Variants in TENM3 observed in about 807,000 individuals in gnomAD.
TENM3 encodes teneurin transmembrane protein 3.
TENM3 carries 63 observed loss-of-function variants against 255.1 expected under a neutral mutation model. The observed-to-expected ratio is 0.25, with a 90% confidence interval of 0.20 to 0.30. The LOEUF (loss-of-function observed/expected upper bound fraction) is 0.30, where lower values mean the gene tolerates loss of function less well. TENM3 is among the 10% of genes least tolerant of loss of function. The probability of loss-of-function intolerance (pLI) is 1.00; values close to 1 mark genes in which losing one functional copy is unlikely to be tolerated. For synonymous variants in TENM3, 1,306 were observed against 1,322.3 expected (o/e 0.99, Z 0.27); for missense variants, 2,929 against 3,461.1 (o/e 0.85, Z 3.86).
chr4:182,048,347 AT>A, the TENM3 span, among the ~76,000 whole-genome samples: 3 of 152,074 alleles, frequency 2.0e-5, no homozygotes, highest in Non-Finnish European at 2.9e-5. Context: ...ATCTACTTCC[AT>A]TTTTTTCTTT....
At chr4:182,367,415 C>A (rs1036609958) in intron 3 of TENM3, among the ~76,000 whole-genome samples, 2 of 152,106 alleles carry the variant, frequency 1.3e-5, no homozygotes, top group Non-Finnish European at 1.5e-5. Context: ...AGTCTAGGTC[C>A]TAGAGCAGAA....
chr4:182,535,891 A>T (rs1740255502), intron 3 of TENM3, among the ~76,000 whole-genome samples: 1 of 152,148 alleles, frequency 6.6e-6, no homozygotes, highest in Non-Finnish European at 1.5e-5. Context: ...CATATGTGAA[A>T]TGTTTAGAAC....
chr4:182,305,106 G>C (rs762227714), intron 1 of TENM3, among the ~76,000 whole-genome samples: 1 of 152,018 alleles, frequency 6.6e-6, no homozygotes, highest in South Asian at 2.1e-4. Flanking sequence ...TACCACTGAG[G>C]GTTAGACTCA....
chr4:181,791,332 C>T, the TENM3 span, among the ~76,000 whole-genome samples: 1 of 152,118 alleles, frequency 6.6e-6, no homozygotes. Flanking sequence ...AAATAATAGA[C>T]TTTAAATCAT....
chr4:182,354,682 A>C (rs999036612), intron 3 of TENM3, among the ~76,000 whole-genome samples: 1 of 152,304 alleles, frequency 6.6e-6, no homozygotes, highest in East Asian at 1.9e-4. Flanking sequence ...AAATTTTCTT[A>C]TATTTATCAG....
At chr4:181,888,294 G>A in the TENM3 span, among the ~76,000 whole-genome samples, 1 of 151,416 alleles carries the variant, frequency 6.6e-6, no homozygotes, top group East Asian at 2.0e-4. Context: ...GCCTCCCAAA[G>A]TGCTAGGGTT....
the TENM3 span, among the ~76,000 whole-genome samples, chr4:181,458,749 T>C: frequency 8.6e-4 from 131 of 152,102 alleles, 1 homozygote; most frequent in Admixed American, 8.5e-3. Context: ...TGTATTTTAC[T>C]GAGTATTATT....
chr4:182,672,396 A>G (rs1393910237), intron 6 of TENM3, among the ~76,000 whole-genome samples: 1 of 152,224 alleles, frequency 6.6e-6, no homozygotes, highest in Non-Finnish European at 1.5e-5. Context: ...AACAGCCTAC[A>G]CAAAAGCTAT....
At chr4:181,908,540 A>G in the TENM3 span, among the ~76,000 whole-genome samples, 1 of 152,334 alleles carries the variant, frequency 6.6e-6, no homozygotes, top group Non-Finnish European at 1.5e-5. Context: ...TTTTAATTTT[A>G]AGCACTCTAA....
chr4:182,349,952 G>T, intron 3 of TENM3: 2 of 214,576 alleles, frequency 9.3e-6, no homozygotes, highest in Admixed American at 6.0e-5. Context: ...ATGCTGATGT[G>T]TTTTCATCTG....
intron 3 of TENM3, among the ~76,000 whole-genome samples, chr4:182,559,128 T>G (rs1299897151): frequency 1.0e-4 from 2 of 19,150 alleles, no homozygotes; most frequent in Non-Finnish European, 2.4e-4. Flanking sequence ...TTCCTCGGGA[T>G]TTTTTTTTTT....
intron 3 of TENM3, among the ~76,000 whole-genome samples, chr4:182,499,790 C>T (rs1430029541): frequency 1.3e-5 from 2 of 152,130 alleles, no homozygotes; most frequent in African/African-American, 4.8e-5. Context: ...TAAACCCAAC[C>T]ACAAGCCAGA....
chr4:182,478,655 T>G (rs9654294), intron 3 of TENM3, among the ~76,000 whole-genome samples: 1,594 of 152,108 alleles, frequency 0.01, 26 homozygotes, highest in African/African-American at 0.037. Context: ...TGTAGCATTT[T>G]TTTAGGCTTT....
In TENM3 at chr4:182,399,332, A is replaced by G. The variant is rs1769069502; in HGVS notation, c.511+52403A>G. Among the ~76,000 whole-genome samples the G allele has an allele frequency of 2.0e-5, 3 of 151,960 alleles. No individual in the cohort carries two copies. In the East Asian group the frequency reaches 5.8e-4, roughly 29 times the overall value. On this transcript the variant is annotated intron_variant, in intron 3 of 27. Coordinates refer to ENST00000511685, the MANE Select transcript of TENM3 (RefSeq NM_001080477.4). ...AAAATATCCTAGACTTTGTTTCTTC[A>G]TAGAGAGAACCTCCTAACTGAATTC...
At chr4:181,558,954 A>C in the TENM3 span, among the ~76,000 whole-genome samples, 4 of 152,190 alleles carry the variant, frequency 2.6e-5, no homozygotes. Context: ...TTATTATTTT[A>C]CTGTAAATAT....
At chr4:182,731,812 C>G (rs10034247) in intron 16 of TENM3, among the ~76,000 whole-genome samples, 12 of 146,460 alleles carry the variant, frequency 8.2e-5, no homozygotes, top group South Asian at 2.2e-4. Context: ...GACGGAGTCT[C>G]GCTCTGTCGC....
chr4:181,720,831 T>C, the TENM3 span, among the ~76,000 whole-genome samples: 1 of 152,146 alleles, frequency 6.6e-6, no homozygotes, highest in African/African-American at 2.4e-5. Context: ...ACCATAAAGG[T>C]AAGTTTTCTT....
chr4:181,829,273 G>C, the TENM3 span, among the ~76,000 whole-genome samples: 45 of 152,164 alleles, frequency 3.0e-4, no homozygotes, highest in Non-Finnish European at 5.6e-4. Flanking sequence ...AAATGTTCCT[G>C]TTTTCTAGAT....
At chr4:181,588,919 T>C in the TENM3 span, among the ~76,000 whole-genome samples, 11 of 152,192 alleles carry the variant, frequency 7.2e-5, no homozygotes, top group Non-Finnish European at 1.6e-4. Flanking sequence ...ATCATGTGTC[T>C]CATTGAAAAA....
Sources: gnomAD v4.1 joint callset for allele counts (sites outside exome capture counted in the v4.1 genomes callset) on GRCh38, gnomAD v4.1.1 for gene constraint, MANE v1.5 for transcripts, NCBI Gene and HGNC (gene_info 2026-07-23, HGNC 2026-07-21) for gene names.